Variants in ERLEC1 observed in about 807,000 individuals in gnomAD.
ERLEC1 encodes the protein ER lectin.
A neutral mutation model predicts 68.0 loss-of-function variants in ERLEC1; 47 were observed. That is an observed-to-expected ratio of 0.69 (90% CI 0.55 to 0.88). ERLEC1 has a LOEUF of 0.88. Ranked by LOEUF, ERLEC1 falls within the 40% of genes least tolerant of loss-of-function variation. The pLI is 0.00. For missense variants in ERLEC1, 567 were observed against 583.8 expected (o/e 0.97, Z 0.30); for synonymous variants, 225 against 203.2 (o/e 1.11, Z -0.91).
chr2:53,811,241 G>A (rs1676577064), intron 10 of ERLEC1, among the ~76,000 whole-genome samples: 1 of 151,974 alleles, frequency 6.6e-6, no homozygotes, highest in South Asian at 2.1e-4. Flanking sequence ...TCTGCTAATG[G>A]ACCTTTAAGT....
chr2:53,796,936 G>A (rs1429825497), intron 3 of ERLEC1, among the ~76,000 whole-genome samples: 2 of 136,730 alleles, frequency 1.5e-5, no homozygotes, highest in Admixed American at 1.6e-4. Flanking sequence ...CCGTCACCCA[G>A]GCTGGAGTGC....
intron 4 of ERLEC1, 40 bp downstream of exon 4, chr2:53,797,632 G>T: frequency 6.4e-7 from 1 of 1,574,240 alleles, no homozygotes; most frequent in Non-Finnish European, 8.7e-7. Flanking sequence ...AACATTATAA[G>T]ATGAGAACTT....
intron 1 of ERLEC1, among the ~76,000 whole-genome samples, chr2:53,792,216 CTT>C (rs535494639): frequency 3.1e-4 from 43 of 138,138 alleles, no homozygotes; most frequent in Admixed American, 4.4e-4. Flanking sequence ...CGCGCCAGGC[CTT>C]TTTTTTTTTT....
chr2:53,808,024 CAA>C (rs879419403), intron 8 of ERLEC1, among the ~76,000 whole-genome samples: 15 of 111,256 alleles, frequency 1.3e-4, no homozygotes, highest in Admixed American at 3.8e-4. Context: ...GACTCCATCT[CAA>C]AAAAAAAAAA....
At chr2:53,813,755 T>A (rs985742129) in intron 11 of ERLEC1, among the ~76,000 whole-genome samples, 7 of 152,304 alleles carry the variant, frequency 4.6e-5, no homozygotes, top group African/African-American at 1.7e-4. Context: ...CTTTTCGGGC[T>A]GATAAAAGTC....
intron 10 of ERLEC1, among the ~76,000 whole-genome samples, chr2:53,810,682 G>T (rs1676545742): frequency 6.6e-6 from 1 of 152,206 alleles, no homozygotes; most frequent in African/African-American, 2.4e-5. Context: ...TACTGGGACA[G>T]ACTGTCAATT....
intron 6 of ERLEC1, among the ~76,000 whole-genome samples, chr2:53,800,320 C>G (rs1675936102): frequency 6.6e-6 from 1 of 152,110 alleles, no homozygotes; most frequent in African/African-American, 2.4e-5. Context: ...CCATTACAAT[C>G]TTATGGGGCC....
chr2:53,793,584 T>G (rs1182364012), intron 1 of ERLEC1, among the ~76,000 whole-genome samples: 3 of 152,080 alleles, frequency 2.0e-5, no homozygotes, highest in Non-Finnish European at 2.9e-5. Context: ...CTATGAACAT[T>G]CATTGCCACC....
chr2:53,817,956 C>G lies in ERLEC1; in HGVS notation c.1439C>G (p.Ser480Cys). The change falls in exon 14 of 14, where the codon TCT becomes TGT. Residue 480 changes from serine to cysteine, a missense_variant. Ser to Cys is a moderately radical substitution (Grantham distance 112, BLOSUM62 -1). Coordinates refer to ENST00000185150, the MANE Select transcript of ERLEC1 (RefSeq NM_015701.5). Reference protein sequence around the residue: ...LDTADENGLLSLPN With the variant: ...LDTADENGLLCLPN ...ACAGCAGATGAAAATGGACTTCTTT[C>G]TCTCCCCAACTAAAGGATATTAAAG... 2 of 1,569,944 alleles carry G rather than the reference C, an allele frequency of 1.3e-6. No individual in the cohort carries two copies. The highest frequency in any genetic ancestry group is 1.8e-6 in the Non-Finnish European group (2 of 1,140,116).
intron 6 of ERLEC1, 38 bp downstream of exon 6, chr2:53,799,119 T>A: frequency 6.4e-7 from 1 of 1,570,972 alleles, no homozygotes; most frequent in South Asian, 1.1e-5. Flanking sequence ...TCTTAACACT[T>A]ATTGTTAGTG....
chr2:53,791,059 G>T (rs972198967), intron 1 of ERLEC1, among the ~76,000 whole-genome samples: 2 of 152,168 alleles, frequency 1.3e-5, no homozygotes, highest in Non-Finnish European at 2.9e-5. Context: ...ATGGTTTATA[G>T]CATGTCATAT....
At chr2:53,812,107 T>C (rs2692522) in intron 10 of ERLEC1, among the ~76,000 whole-genome samples, 40,691 of 151,972 alleles carry the variant, frequency 0.27, 6,007 homozygotes, top group South Asian at 0.33. Flanking sequence ...AGTAGAGTAG[T>C]TTCTACATGT....
chr2:53,808,889 A>G (rs1367299231), intron 9 of ERLEC1, among the ~76,000 whole-genome samples: 1 of 152,150 alleles, frequency 6.6e-6, no homozygotes, highest in African/African-American at 2.4e-5. Flanking sequence ...TCAGCCTCCC[A>G]AAGTGCTGGG....
intron 3 of ERLEC1, 45 bp from the exon 4 acceptor site, chr2:53,797,470 G>T: frequency 7.0e-7 from 1 of 1,423,012 alleles, no homozygotes; most frequent in South Asian, 1.3e-5. Context: ...TAATTCAGCT[G>T]AGTTATGTGG....
chr2:53,799,537 T>C (rs1291209925), intron 6 of ERLEC1, among the ~76,000 whole-genome samples: 1 of 152,144 alleles, frequency 6.6e-6, no homozygotes, highest in Non-Finnish European at 1.5e-5. Flanking sequence ...TCAGACATAT[T>C]ATAGGCACTT....
chr2:53,804,953 C>T (rs150215347), intron 8 of ERLEC1, among the ~76,000 whole-genome samples: 163 of 151,066 alleles, frequency 1.1e-3, no homozygotes, highest in Non-Finnish European at 1.7e-3. Context: ...ATAATGATCT[C>T]CAATTCCATC....
intron 13 of ERLEC1, among the ~76,000 whole-genome samples, chr2:53,815,875 T>C (rs192269871): frequency 6.2e-4 from 95 of 152,368 alleles, no homozygotes; most frequent in African/African-American, 2.2e-3. Context: ...TTTCTATGTG[T>C]TGAGAACATT....
chr2:53,808,500 C>G, intron 9 of ERLEC1, 40 bp downstream of exon 9: 3 of 1,597,982 alleles, frequency 1.9e-6, no homozygotes, highest in African/African-American at 2.7e-5. Flanking sequence ...TATTTTACAA[C>G]TTTACCTGCC....
Position 53,787,129 on chromosome 2 carries a change from C to CCAA in ERLEC1, c.-81_-80insAAC. ...CGGGCGCTTTATAGTCCCGCCGCCT[C>CCAA]CTCCTCCACCTCCTCCTCCTCCTCC... On this transcript the variant is annotated 5_prime_UTR_variant, in exon 1 of 14. Transcript: ENST00000185150. 2.3e-6 allele frequency: 3 copies of CCAA among 1,283,446 alleles called. No individual in the cohort carries two copies. Among genetic ancestry groups the CCAA allele is most frequent in the East Asian group, 2.9e-5 (1 of 34,474 alleles). 79.5% of individuals were successfully genotyped at this position (1,283,446 alleles called of 1,614,324 possible).
Sources: allele counts gnomAD v4.1 joint callset (sites outside exome capture counted in the v4.1 genomes callset), GRCh38; gene constraint gnomAD v4.1.1; transcripts MANE v1.5; gene names NCBI Gene and HGNC (gene_info 2026-07-23, HGNC 2026-07-21).